The following ATRNL1 variants were observed in gnomAD, a reference collection of about 807,000 sequenced individuals.
ATRNL1 encodes the protein attractin-like protein 1.
Under a neutral mutation model 182.7 loss-of-function variants are expected in ATRNL1, and 95 were observed. The ratio of observed to expected loss-of-function variants is 0.52; its 90% CI spans 0.44 to 0.62. The LOEUF is 0.62. ATRNL1 is among the 20% of genes least tolerant of loss of function. The pLI is 0.00. For missense variants in ATRNL1, 1,471 were observed against 1,679.5 expected, an observed-to-expected ratio of 0.88 and a Z score of 2.17; for synonymous variants, 576 against 568.3, an observed-to-expected ratio of 1.01 and a Z score of -0.19.
At chr10:115,227,116 C>T (rs1226731339) in intron 9 of ATRNL1, among the ~76,000 whole-genome samples, 1 of 151,930 alleles carries the variant, frequency 6.6e-6, no homozygotes, top group Non-Finnish European at 1.5e-5. Flanking sequence ...CAAAAGAAAC[C>T]ATTAGCAGAG....
chr10:115,584,679 G>C (rs1342654068), intron 26 of ATRNL1, among the ~76,000 whole-genome samples: 1 of 151,266 alleles, frequency 6.6e-6, no homozygotes, highest in African/African-American at 2.4e-5. Context: ...TATGAATTTT[G>C]TTGATCCTTT....
At chr10:115,893,906 G>T (rs372204792) in intron 28 of ATRNL1, among the ~76,000 whole-genome samples, 12 of 152,026 alleles carry the variant, frequency 7.9e-5, no homozygotes, top group African/African-American at 2.9e-4. Context: ...GCAAAGGAAA[G>T]TTTCTCAGGG....
chr10:115,350,067 A>G (rs1208901185), intron 19 of ATRNL1, among the ~76,000 whole-genome samples: 8 of 151,968 alleles, frequency 5.3e-5, no homozygotes, highest in Non-Finnish European at 1.2e-4. Context: ...GCTGGGCACA[A>G]TGGCTCACGC....
chr10:115,149,920 A>T, intron 5 of ATRNL1, among the ~76,000 whole-genome samples: 1 of 129,342 alleles, frequency 7.7e-6, no homozygotes, highest in African/African-American at 3.0e-5. Context: ...AATTGGCATT[A>T]ATTCTTCTTT....
At chr10:115,862,443 G>A (rs186096765) in intron 28 of ATRNL1, among the ~76,000 whole-genome samples, 2 of 152,256 alleles carry the variant, frequency 1.3e-5, no homozygotes, top group East Asian at 3.9e-4. Context: ...AGCTCTTTGT[G>A]CAGCTCTTGC....
intron 19 of ATRNL1, among the ~76,000 whole-genome samples, chr10:115,369,919 C>T (rs2134192222): frequency 6.6e-6 from 1 of 152,302 alleles, no homozygotes; most frequent in South Asian, 2.1e-4. Context: ...GCCATGTCCC[C>T]ACCCAAATCT....
At chr10:115,791,617 A>G (rs1451130097) in intron 27 of ATRNL1, among the ~76,000 whole-genome samples, 3 of 152,172 alleles carry the variant, frequency 2.0e-5, no homozygotes, top group African/African-American at 7.2e-5. Flanking sequence ...TTGTATATAG[A>G]TGAGTTCCTA....
intron 25 of ATRNL1, among the ~76,000 whole-genome samples, chr10:115,546,456 C>T (rs1205584475): frequency 2.0e-5 from 3 of 151,780 alleles, no homozygotes; most frequent in African/African-American, 7.3e-5. Context: ...GTCCCAGCTA[C>T]TCAGGAGGCT....
chr10:115,677,329 A>G (rs781797003), intron 26 of ATRNL1, among the ~76,000 whole-genome samples: 6 of 152,062 alleles, frequency 3.9e-5, no homozygotes, highest in Non-Finnish European at 7.4e-5. Flanking sequence ...AAAATCCCTC[A>G]CAGCATGGAA....
At chr10:115,429,549 T>C (rs1846053247) in intron 21 of ATRNL1, among the ~76,000 whole-genome samples, 1 of 152,186 alleles carries the variant, frequency 6.6e-6, no homozygotes, top group Non-Finnish European at 1.5e-5. Flanking sequence ...ATGAATAACT[T>C]TCTTTTACCT....
intron 19 of ATRNL1, among the ~76,000 whole-genome samples, chr10:115,340,030 C>T (rs1356236199): frequency 6.6e-6 from 1 of 152,174 alleles, no homozygotes; most frequent in Non-Finnish European, 1.5e-5. Flanking sequence ...TTGAACCATT[C>T]TTGCATTCCA....
At chr10:115,344,220 C>T (rs936988400) in intron 19 of ATRNL1, among the ~76,000 whole-genome samples, 5 of 152,080 alleles carry the variant, frequency 3.3e-5, no homozygotes, top group South Asian at 2.1e-4. Context: ...TTCTGGATGA[C>T]GAGTTCCCTC....
At chr10:115,650,627 A>G (rs895174267) in intron 26 of ATRNL1, among the ~76,000 whole-genome samples, 8 of 152,098 alleles carry the variant, frequency 5.3e-5, no homozygotes, top group Non-Finnish European at 8.8e-5. Flanking sequence ...CAAAGAAACT[A>G]GAGAGGAAGG....
intron 24 of ATRNL1, among the ~76,000 whole-genome samples, chr10:115,499,911 G>A (rs1463210775): frequency 2.6e-5 from 4 of 152,064 alleles, no homozygotes; most frequent in African/African-American, 9.7e-5. Flanking sequence ...TCATCTTTTG[G>A]AGAAAGCATT....
intron 26 of ATRNL1, among the ~76,000 whole-genome samples, chr10:115,702,300 A>G (rs1235056268): frequency 6.6e-6 from 1 of 152,078 alleles, no homozygotes; most frequent in Non-Finnish European, 1.5e-5. Context: ...TGACAAACCC[A>G]CAGCCAACAT....
At chr10:115,570,182 T>G (rs970489162) in intron 26 of ATRNL1, among the ~76,000 whole-genome samples, 19 of 152,202 alleles carry the variant, frequency 1.2e-4, no homozygotes, top group African/African-American at 4.6e-4. Context: ...CAGGCTGATC[T>G]CAAACTCCTG....
Position 115,362,994 on chromosome 10 carries a change from T to A in ATRNL1, c.3175+28575T>A, listed in dbSNP as rs1203751297. Reference sequence around the variant, plus strand: ...TGCAATAAACATACGTGTGCATGTGTCTTTATAGCAGCATGATTTACAGTC... The same window carrying A: ...TGCAATAAACATACGTGTGCATGTGACTTTATAGCAGCATGATTTACAGTC... On this transcript the variant is annotated intron_variant, in intron 19 of 28. Coordinates refer to ENST00000355044, the MANE Select transcript of ATRNL1 (RefSeq NM_207303.4). Among the ~76,000 whole-genome samples, 5 of 152,220 alleles carry A rather than the reference T, an allele frequency of 3.3e-5. No homozygotes were observed. The East Asian group carries it at 9.7e-4, about 29-fold the overall frequency.
chr10:115,114,824 T>A (rs1298689037), intron 1 of ATRNL1, among the ~76,000 whole-genome samples: 1 of 151,858 alleles, frequency 6.6e-6, no homozygotes, highest in African/African-American at 2.4e-5. Context: ...TGAAAAAAAA[T>A]ATGGAGGTTC....
intron 26 of ATRNL1, among the ~76,000 whole-genome samples, chr10:115,621,427 G>A (rs1263501273): frequency 1.3e-5 from 2 of 151,716 alleles, no homozygotes; most frequent in Admixed American, 1.3e-4. Flanking sequence ...TCAGCATGCT[G>A]AGTAACTGGG....
Sources: gnomAD v4.1 joint callset for allele counts (sites outside exome capture counted in the v4.1 genomes callset) on GRCh38, gnomAD v4.1.1 for gene constraint, MANE v1.5 for transcripts, NCBI Gene and HGNC (gene_info 2026-07-23, HGNC 2026-07-21) for gene names.